Variants in TCF12 observed in about 807,000 individuals in gnomAD.
TCF12 encodes transcription factor 12, also known as DNA-binding protein HTF4.
In TCF12, 45 loss-of-function variants were observed where a neutral mutation model predicts 86.0. The ratio of observed to expected loss-of-function variants is 0.52; its 90% confidence interval spans 0.41 to 0.67. The LOEUF (loss-of-function observed/expected upper bound fraction) is 0.67. TCF12 is among the 30% of genes least tolerant of loss of function. The pLI is 0.00. For synonymous variants in TCF12, 330 were observed against 299.6 expected, an observed-to-expected ratio of 1.10 and a Z score of -1.05; for missense variants, 881 against 859.9, an observed-to-expected ratio of 1.02 and a Z score of -0.31.
chr15:57,279,547 G>A (rs1428676452), intron 19 of TCF12, among the ~76,000 whole-genome samples: 1 of 152,132 alleles, frequency 6.6e-6, no homozygotes, highest in Admixed American at 6.5e-5. Flanking sequence ...AATCAAAGTT[G>A]TGTATTTATT....
At chr15:56,925,156 G>A (rs2059947692) in intron 3 of TCF12, among the ~76,000 whole-genome samples, 2 of 152,016 alleles carry the variant, frequency 1.3e-5, no homozygotes, top group South Asian at 2.1e-4. Context: ...CTGAGATGGC[G>A]CAGCCAGTGT....
chr15:57,002,967 C>G (rs2064138419), intron 3 of TCF12, among the ~76,000 whole-genome samples: 1 of 152,204 alleles, frequency 6.6e-6, no homozygotes, highest in Non-Finnish European at 1.5e-5. Context: ...CCATTTAAAA[C>G]TACTGTACAT....
chr15:56,993,463 A>G (rs561182574), intron 3 of TCF12, among the ~76,000 whole-genome samples: 2 of 152,332 alleles, frequency 1.3e-5, no homozygotes, highest in East Asian at 3.9e-4. Context: ...TGACCCAAGA[A>G]GAGTACCAAA....
At chr15:57,128,420 A>G (rs140599314) in intron 5 of TCF12, among the ~76,000 whole-genome samples, 63 of 152,330 alleles carry the variant, frequency 4.1e-4, no homozygotes, top group Admixed American at 6.5e-4. Flanking sequence ...TTTAATCTTC[A>G]TAACACTATG....
intron 5 of TCF12, among the ~76,000 whole-genome samples, chr15:57,114,615 C>A (rs2151254170): frequency 6.6e-6 from 1 of 152,084 alleles, no homozygotes; most frequent in South Asian, 2.1e-4. Flanking sequence ...TTTTTATAAA[C>A]AGTTAAGATT....
At chr15:57,021,720 C>A (rs1213988391) in intron 3 of TCF12, among the ~76,000 whole-genome samples, 1 of 150,006 alleles carries the variant, frequency 6.7e-6, no homozygotes, top group East Asian at 2.0e-4. Context: ...TGGGTTTGAA[C>A]TGTATGGGTC....
At chr15:57,088,488 T>C (rs1360570029) in intron 4 of TCF12, among the ~76,000 whole-genome samples, 4 of 110,512 alleles carry the variant, frequency 3.6e-5, no homozygotes, top group Non-Finnish European at 1.8e-5. Flanking sequence ...GCTATTCTAA[T>C]TGCTTTAGTT....
intron 5 of TCF12, among the ~76,000 whole-genome samples, chr15:57,133,787 A>G (rs1375562204): frequency 2.0e-5 from 3 of 152,208 alleles, no homozygotes; most frequent in Non-Finnish European, 2.9e-5. Context: ...ATTCTCCATC[A>G]GGTTCCTACT....
At chr15:57,201,498 A>G (rs1597275090) in intron 8 of TCF12, among the ~76,000 whole-genome samples, 3 of 152,044 alleles carry the variant, frequency 2.0e-5, no homozygotes, top group African/African-American at 7.3e-5. Context: ...GTCACATCTA[A>G]AAGTACAGCA....
chr15:56,921,136 T>C (rs746971428), intron 3 of TCF12, 38 bp downstream of exon 3: 2 of 1,522,148 alleles, frequency 1.3e-6, no homozygotes, highest in South Asian at 1.3e-5. Context: ...CATATTTTGG[T>C]GGTGTGATAC....
intron 5 of TCF12, among the ~76,000 whole-genome samples, chr15:57,164,101 T>C (rs924364209): frequency 2.6e-5 from 4 of 152,166 alleles, no homozygotes; most frequent in African/African-American, 9.7e-5. Flanking sequence ...TTTGGGGGCC[T>C]TAGTTACTGA....
At chr15:57,087,463 G>A (rs1300468808) in intron 4 of TCF12, among the ~76,000 whole-genome samples, 1 of 150,664 alleles carries the variant, frequency 6.6e-6, no homozygotes, top group Non-Finnish European at 1.5e-5. Context: ...GTGCTGTTTA[G>A]TTTAAATATG....
intron 4 of TCF12, among the ~76,000 whole-genome samples, chr15:57,075,675 A>G (rs1273552524): frequency 1.3e-5 from 2 of 152,110 alleles, no homozygotes; most frequent in African/African-American, 4.8e-5. Context: ...TACAAGGAAC[A>G]GGGAATTTAA....
At chr15:57,239,180 C>A (rs796761215) in intron 12 of TCF12, among the ~76,000 whole-genome samples, 1 of 151,874 alleles carries the variant, frequency 6.6e-6, no homozygotes, top group South Asian at 2.1e-4. Context: ...GGAGAAACCC[C>A]GTCTCTACTA....
intron 3 of TCF12, among the ~76,000 whole-genome samples, chr15:57,021,110 C>G (rs2065452084): frequency 6.6e-6 from 1 of 152,082 alleles, no homozygotes; most frequent in Non-Finnish European, 1.5e-5. Flanking sequence ...CCATATAGAA[C>G]AAAATTATGA....
chr15:57,258,838 T>TTTG (rs367563669), intron 16 of TCF12, among the ~76,000 whole-genome samples: 7 of 152,200 alleles, frequency 4.6e-5, no homozygotes, highest in African/African-American at 1.7e-4. Flanking sequence ...TACAGGAGAC[T>TTTG]TTAAGTAAAG....
In TCF12 at chr15:57,264,194, G is replaced by GTTTTTTT. The variant is rs1567013145; in HGVS notation, c.1745+920_1745+921insTTTTTTT. ...ATATTTTCTTTAAGTTCTTTTGTAA[G>GTTTTTTT]CTTTTTTTTTTTTTTTTTTTTTTTG... On this transcript the variant is annotated intron_variant, in intron 18 of 20. Coordinates refer to ENST00000333725, the MANE Select transcript of TCF12 (RefSeq NM_207037.2). Among the ~76,000 whole-genome samples, 21 of 15,426 alleles carry GTTTTTTT rather than the reference G, an allele frequency of 1.4e-3. 1 individual carries two copies. Among genetic ancestry groups the GTTTTTTT allele is most frequent in the Non-Finnish European group, 1.9e-3 (14 of 7,286 alleles). 10.1% of individuals were successfully genotyped at this position (15,426 alleles called of 152,430 possible).
chr15:57,201,745 CT>C (rs1208754338), intron 8 of TCF12, among the ~76,000 whole-genome samples: 8 of 152,098 alleles, frequency 5.3e-5, no homozygotes, highest in African/African-American at 1.4e-4. Context: ...ATGGGTGGTA[CT>C]TTGGATTTGC....
intron 3 of TCF12, chr15:57,001,220 G>T: frequency 6.3e-6 from 1 of 159,674 alleles, no homozygotes; most frequent in Non-Finnish European, 1.4e-5. Context: ...TTGCCATGTT[G>T]GCCAGGCTGG....
Sources: allele counts gnomAD v4.1 joint callset (sites outside exome capture counted in the v4.1 genomes callset), GRCh38; gene constraint gnomAD v4.1.1; transcripts MANE v1.5; gene names NCBI Gene and HGNC (gene_info 2026-07-23, HGNC 2026-07-21).